HSD17B11: variants seen among roughly 807,000 people sequenced by gnomAD.
HSD17B11 encodes hydroxysteroid 17-beta dehydrogenase 11, also known as estradiol 17-beta-dehydrogenase 11.
HSD17B11 carries 22 observed loss-of-function variants against 27.8 expected under a neutral mutation model. The observed-to-expected ratio is 0.79, with a 90% confidence interval of 0.56 to 1.13. The LOEUF (loss-of-function observed/expected upper bound fraction) is 1.13, where lower values mean the gene tolerates loss of function less well. Ranked by LOEUF, HSD17B11 falls within the 50% of genes most tolerant of loss-of-function variation. The pLI is 0.00. For synonymous variants in HSD17B11, 117 were observed against 132.8 expected (o/e 0.88, Z 0.82); for missense variants, 314 against 351.1 (o/e 0.89, Z 0.84).
At position 87,391,167 on chromosome 4, in the gene HSD17B11, G is replaced by T; in HGVS notation, c.-97C>A. Reference sequence around the variant, plus strand: ...GCTCGATCTAACACCAGAAAGAGTAGGGGCGAGAGCAAGGAGGAACTCCCG... The same window carrying T: ...GCTCGATCTAACACCAGAAAGAGTATGGGCGAGAGCAAGGAGGAACTCCCG... On this transcript the variant is annotated 5_prime_UTR_variant, in exon 1 of 7. Coordinates refer to ENST00000358290, the MANE Select transcript of HSD17B11 (RefSeq NM_016245.5). 1.2e-6 allele frequency: 1 copy of T among 858,560 alleles called. No homozygotes were observed. Among genetic ancestry groups the T allele is most frequent in the Non-Finnish European group, 1.8e-6 (1 of 557,098 alleles). 53.2% of individuals were successfully genotyped at this position (858,560 alleles called of 1,614,324 possible).
At chr4:87,354,821 A>G (rs1227381437) in intron 5 of HSD17B11, among the ~76,000 whole-genome samples, 2 of 151,854 alleles carry the variant, frequency 1.3e-5, no homozygotes, top group Non-Finnish European at 2.9e-5. Flanking sequence ...AAACTTAAAA[A>G]TTGAATCTTG....
chr4:87,385,035 T>C (rs1720271747), intron 1 of HSD17B11, among the ~76,000 whole-genome samples: 1 of 152,126 alleles, frequency 6.6e-6, no homozygotes, highest in Non-Finnish European at 1.5e-5. Flanking sequence ...GAAGCTACAT[T>C]GAAATATTGG....
chr4:87,370,752 A>ATTTTTTT (rs1491588184), intron 4 of HSD17B11, among the ~76,000 whole-genome samples: 12 of 53,042 alleles, frequency 2.3e-4, no homozygotes, highest in South Asian at 1.4e-3. Context: ...TATTATTATT[A>ATTTTTTT]TTATTTTTTT....
intron 5 of HSD17B11, among the ~76,000 whole-genome samples, chr4:87,354,638 G>C (rs757797445): frequency 2.5e-4 from 36 of 142,568 alleles, no homozygotes; most frequent in Non-Finnish European, 4.4e-4. Context: ...GCGAATCCTT[G>C]TCTCAAAAAA....
At position 87,336,991 on chromosome 4, in the gene HSD17B11, G is replaced by A. The variant is rs1303179726; in HGVS notation, c.*285C>T. ...TGGTACAAATTTTGCAAAGCCTTCA[G>A]GTGAGCCACAAATAATCTTGGAAAT... On this transcript the variant is annotated 3_prime_UTR_variant, in exon 7 of 7. Coordinates refer to ENST00000358290, the MANE Select transcript of HSD17B11 (RefSeq NM_016245.5). The A allele has an allele frequency of 3.3e-6, 1 of 299,412 alleles. No homozygotes were observed. The highest frequency in any genetic ancestry group is 6.1e-6 in the Non-Finnish European group (1 of 164,948). 18.5% of individuals were successfully genotyped at this position (299,412 alleles called of 1,614,324 possible).
chr4:87,389,260 T>C (rs1001305325), intron 1 of HSD17B11, among the ~76,000 whole-genome samples: 3 of 152,230 alleles, frequency 2.0e-5, no homozygotes, highest in East Asian at 1.9e-4. Flanking sequence ...TTTGCTCTTG[T>C]TGCCCAAGCT....
intron 2 of HSD17B11, among the ~76,000 whole-genome samples, chr4:87,380,691 A>G (rs1304675780): frequency 6.7e-6 from 1 of 149,842 alleles, no homozygotes; most frequent in Non-Finnish European, 1.5e-5. Flanking sequence ...TCCCGTCTCT[A>G]CTAAAAATAC....
chr4:87,364,523 T>C (rs552453084), intron 4 of HSD17B11, among the ~76,000 whole-genome samples: 2 of 152,274 alleles, frequency 1.3e-5, no homozygotes, highest in African/African-American at 4.8e-5. Context: ...TACTTGACTC[T>C]GCACACTTGG....
intron 1 of HSD17B11, among the ~76,000 whole-genome samples, chr4:87,390,513 A>G (rs1720430636): frequency 6.6e-6 from 1 of 152,178 alleles, no homozygotes; most frequent in Admixed American, 6.5e-5. Flanking sequence ...AATAGGTACA[A>G]GCTTCTTACT....
At chr4:87,384,044 G>A (rs1720240352) in intron 1 of HSD17B11, among the ~76,000 whole-genome samples, 1 of 152,194 alleles carries the variant, frequency 6.6e-6, no homozygotes, top group South Asian at 2.1e-4. Context: ...ACAGCTGTGG[G>A]GAGAATTAGT....
chr4:87,391,101 T>TG lies in HSD17B11; in HGVS notation c.-32_-31insC, dbSNP rs1720449911. ...TTGTGGCTGCGAGCGTTTGGTGTGTTTTTTTTTTTTTTTACCACTCTAAAC... is the reference window on the plus strand; with the variant it reads ...TTGTGGCTGCGAGCGTTTGGTGTGTTGTTTTTTTTTTTTTACCACTCTAAAC... On this transcript the variant is annotated 5_prime_UTR_variant, in exon 1 of 7. Transcript: ENST00000358290. The TG allele has an allele frequency of 1.5e-5, 12 of 821,886 alleles. No homozygotes were observed. Among genetic ancestry groups the TG allele is most frequent in the African/African-American group, 4.1e-5 (1 of 24,346 alleles). 50.9% of individuals were successfully genotyped at this position (821,886 alleles called of 1,614,324 possible). A position where few individuals can be genotyped will look rare whatever the true frequency, so the allele number is the denominator to read the frequency against.
intron 2 of HSD17B11, among the ~76,000 whole-genome samples, chr4:87,375,931 T>C (rs1735814940): frequency 6.6e-6 from 1 of 152,218 alleles, no homozygotes; most frequent in African/African-American, 2.4e-5. Context: ...GACCTTGAGT[T>C]TGGGCTCTGC....
At chr4:87,369,260 C>A (rs79791950) in intron 4 of HSD17B11, among the ~76,000 whole-genome samples, 10,384 of 151,988 alleles carry the variant, frequency 0.068, 1,210 homozygotes, top group African/African-American at 0.24. Context: ...TTATGGTGAA[C>A]CTATATATAG....
At chr4:87,377,599 C>T (rs1735857910) in intron 2 of HSD17B11, among the ~76,000 whole-genome samples, 1 of 152,150 alleles carries the variant, frequency 6.6e-6, no homozygotes, top group African/African-American at 2.4e-5. Context: ...TTAAGCCCTA[C>T]TTTTTATAAG....
chr4:87,363,729 A>C (rs990708428), intron 4 of HSD17B11, among the ~76,000 whole-genome samples: 1 of 152,256 alleles, frequency 6.6e-6, no homozygotes, highest in Admixed American at 6.5e-5. Context: ...ACTTCTGAGA[A>C]AAGAAATAGA....
chr4:87,341,327 A>G (rs1340585751), intron 5 of HSD17B11, among the ~76,000 whole-genome samples: 1 of 151,364 alleles, frequency 6.6e-6, no homozygotes, highest in Non-Finnish European at 1.5e-5. Flanking sequence ...GTACGCCACC[A>G]CTCCAGGCTA....
intron 4 of HSD17B11, among the ~76,000 whole-genome samples, chr4:87,364,007 T>C (rs1192968628): frequency 6.6e-6 from 1 of 152,222 alleles, no homozygotes; most frequent in Non-Finnish European, 1.5e-5. Flanking sequence ...TAAAGAGCAC[T>C]ATGGTGAAAA....
At chr4:87,354,991 A>G (rs1176139926) in intron 5 of HSD17B11, among the ~76,000 whole-genome samples, 1 of 149,962 alleles carries the variant, frequency 6.7e-6, no homozygotes, top group Admixed American at 6.7e-5. Flanking sequence ...GCATGATGGC[A>G]CACACACTGT....
chr4:87,359,033 C>T (rs982166877), intron 4 of HSD17B11, among the ~76,000 whole-genome samples: 1 of 152,082 alleles, frequency 6.6e-6, no homozygotes, highest in African/African-American at 2.4e-5. Flanking sequence ...TTTGGCAGTT[C>T]GTCTCTTGCT....
Sources: allele counts gnomAD v4.1 joint callset (sites outside exome capture counted in the v4.1 genomes callset), GRCh38; gene constraint gnomAD v4.1.1; transcripts MANE v1.5; gene names NCBI Gene and HGNC (gene_info 2026-07-23, HGNC 2026-07-21).